AFG1L: variants seen among roughly 807,000 people sequenced by gnomAD.
AFG1L encodes AFG1 like ATPase.
Under a neutral mutation model 62.2 loss-of-function variants are expected in AFG1L, and 53 were observed. The ratio of observed to expected loss-of-function variants is 0.85; its 90% CI spans 0.68 to 1.07. The LOEUF (loss-of-function observed/expected upper bound fraction) is 1.07. Ranked by LOEUF, AFG1L falls within the 50% of genes least tolerant of loss-of-function variation. The probability of loss-of-function intolerance (pLI) is 0.00; values close to 1 mark genes in which losing one functional copy is unlikely to be tolerated. For synonymous variants in AFG1L, 228 were observed against 210.3 expected, an observed-to-expected ratio of 1.08 and a Z score of -0.73; for missense variants, 555 against 590.5, an observed-to-expected ratio of 0.94 and a Z score of 0.62.
At chr6:108,331,280 T>A (rs897048102) in intron 2 of AFG1L, among the ~76,000 whole-genome samples, 3 of 152,172 alleles carry the variant, frequency 2.0e-5, no homozygotes, top group Non-Finnish European at 4.4e-5. Context: ...AGAGAGACTA[T>A]CTCAAAAAAC....
chr6:108,525,224 A>G lies in AFG1L; in HGVS notation c.*2799A>G, dbSNP rs1183879847. On this transcript the variant is annotated 3_prime_UTR_variant, in exon 13 of 13. Transcript: ENST00000368977. ...ACAGAGGTCAAGCGGAGAAAAAGGA[A>G]AACTTTCTTTAGAGAAGAAAAAGAA... 1 of 152,194 alleles carries G rather than the reference A, an allele frequency of 6.6e-6. No homozygotes were observed. The highest frequency in any genetic ancestry group is 1.5e-5 in the Non-Finnish European group (1 of 68,038). The allele number at this position is 152,194 out of a possible 1,614,324, so 9.4% of individuals were successfully genotyped here. A position where few individuals can be genotyped will look rare whatever the true frequency, so the allele number is the denominator to read the frequency against.
intron 2 of AFG1L, among the ~76,000 whole-genome samples, chr6:108,327,914 G>C (rs1475115557): frequency 6.6e-6 from 1 of 152,172 alleles, no homozygotes; most frequent in Non-Finnish European, 1.5e-5. Context: ...GTAAAGATTG[G>C]CTTACCTATG....
chr6:108,333,075 AG>A (rs1460718411), intron 2 of AFG1L, among the ~76,000 whole-genome samples: 2 of 152,244 alleles, frequency 1.3e-5, no homozygotes, highest in Non-Finnish European at 2.9e-5. Flanking sequence ...AAAAGTGAAA[AG>A]GTAGACGACA....
chr6:108,427,560 C>CA (rs1770878635), intron 7 of AFG1L, among the ~76,000 whole-genome samples: 1 of 128,066 alleles, frequency 7.8e-6, no homozygotes, highest in Non-Finnish European at 1.6e-5. Flanking sequence ...CTTGCTCTGT[C>CA]ACCCAGGTTG....
chr6:108,483,755 A>G (rs1773418175), intron 10 of AFG1L, among the ~76,000 whole-genome samples: 1 of 152,238 alleles, frequency 6.6e-6, no homozygotes, highest in Admixed American at 6.5e-5. Flanking sequence ...CGCATTGCTC[A>G]CTATCAACTT....
At chr6:108,515,639 G>A (rs181020375) in intron 11 of AFG1L, among the ~76,000 whole-genome samples, 1 of 152,076 alleles carries the variant, frequency 6.6e-6, no homozygotes, top group African/African-American at 2.4e-5. Context: ...AAGGCAAGAA[G>A]TAACTAAGAT....
chr6:108,356,372 C>T (rs1779287026), intron 4 of AFG1L, among the ~76,000 whole-genome samples: 1 of 152,120 alleles, frequency 6.6e-6, no homozygotes, highest in South Asian at 2.1e-4. Flanking sequence ...TGCTCTCATC[C>T]CTGAAATAAA....
intron 6 of AFG1L, among the ~76,000 whole-genome samples, chr6:108,398,691 T>C (rs1449506065): frequency 6.6e-6 from 1 of 152,212 alleles, no homozygotes; most frequent in Non-Finnish European, 1.5e-5. Flanking sequence ...TCCAGCACTG[T>C]TTAATGAAGA....
intron 8 of AFG1L, among the ~76,000 whole-genome samples, chr6:108,457,137 A>AG (rs1772282735): frequency 6.6e-6 from 1 of 152,142 alleles, no homozygotes; most frequent in African/African-American, 2.4e-5. Context: ...ATCTGTTGTT[A>AG]CCAGTTTAAT....
chr6:108,329,410 T>C (rs1778183724), intron 2 of AFG1L, among the ~76,000 whole-genome samples: 1 of 152,166 alleles, frequency 6.6e-6, no homozygotes, highest in African/African-American at 2.4e-5. Flanking sequence ...GTGATTCTCC[T>C]GTCTCGGCCT....
At chr6:108,316,532 G>GA (rs1004854617) in intron 1 of AFG1L, among the ~76,000 whole-genome samples, 1 of 135,874 alleles carries the variant, frequency 7.4e-6, no homozygotes, top group African/African-American at 2.5e-5. Context: ...GGTACACTCT[G>GA]ATTTTTTTTT....
At chr6:108,399,536 G>A (rs1168139916) in intron 6 of AFG1L, among the ~76,000 whole-genome samples, 6 of 151,648 alleles carry the variant, frequency 4.0e-5, no homozygotes, top group African/African-American at 1.5e-4. Context: ...ATTTGTGACT[G>A]TTGTAAATGG....
At chr6:108,510,891 A>G (rs1774618484) in intron 11 of AFG1L, among the ~76,000 whole-genome samples, 2 of 152,160 alleles carry the variant, frequency 1.3e-5, no homozygotes, top group African/African-American at 4.8e-5. Context: ...AGCCTGGACA[A>G]CATAGCAAAA....
At chr6:108,420,856 A>G (rs1439676478) in intron 7 of AFG1L, among the ~76,000 whole-genome samples, 1 of 152,162 alleles carries the variant, frequency 6.6e-6, no homozygotes, top group African/African-American at 2.4e-5. Flanking sequence ...ATAAATAGTT[A>G]TTTTTGGTTA....
intron 7 of AFG1L, among the ~76,000 whole-genome samples, chr6:108,410,546 T>C (rs776679897): frequency 6.6e-6 from 1 of 152,076 alleles, no homozygotes; most frequent in African/African-American, 2.4e-5. Flanking sequence ...CCCACAGATA[T>C]ATGTTTTGGA....
intron 11 of AFG1L, among the ~76,000 whole-genome samples, chr6:108,513,319 G>A (rs879336482): frequency 2.0e-5 from 3 of 152,204 alleles, no homozygotes; most frequent in South Asian, 2.1e-4. Flanking sequence ...GCGAGGCATC[G>A]CCTCACCCGG....
chr6:108,351,501 T>C (rs912628997), intron 3 of AFG1L, among the ~76,000 whole-genome samples: 2 of 152,214 alleles, frequency 1.3e-5, no homozygotes, highest in African/African-American at 4.8e-5. Context: ...TGTATACAAT[T>C]AGGTCATCTG....
At chr6:108,521,789 T>C (rs1775134768) in intron 12 of AFG1L, 1 of 152,910 alleles carries the variant, frequency 6.5e-6, no homozygotes, top group African/African-American at 2.4e-5. Flanking sequence ...GTGGGATCAG[T>C]TGTCCCAGCA....
At chr6:108,486,954 C>T (rs1046931084) in intron 10 of AFG1L, among the ~76,000 whole-genome samples, 2 of 152,208 alleles carry the variant, frequency 1.3e-5, no homozygotes, top group Non-Finnish European at 2.9e-5. Context: ...ATCCACCTGC[C>T]TCAGCCTCCC....
Sources: gnomAD v4.1 joint callset for allele counts (sites outside exome capture counted in the v4.1 genomes callset) on GRCh38, gnomAD v4.1.1 for gene constraint, MANE v1.5 for transcripts, NCBI Gene and HGNC (gene_info 2026-07-23, HGNC 2026-07-21) for gene names.